Variants in PIK3C2B observed in about 807,000 individuals in gnomAD.
PIK3C2B encodes phosphatidylinositol 4-phosphate 3-kinase C2 domain-containing subunit beta.
Under a neutral mutation model 184.3 loss-of-function variants are expected in PIK3C2B, and 83 were observed. The ratio of observed to expected loss-of-function variants is 0.45; its 90% CI spans 0.38 to 0.54. PIK3C2B has a LOEUF of 0.54. Ranked by LOEUF, PIK3C2B falls within the 20% of genes least tolerant of loss-of-function variation. The pLI, the probability that PIK3C2B is intolerant of heterozygous loss-of-function variation, is 0.00. For synonymous variants in PIK3C2B, 779 were observed against 837.6 expected, an observed-to-expected ratio of 0.93 and a Z score of 1.21; for missense variants, 1,736 against 2,113.5, an observed-to-expected ratio of 0.82 and a Z score of 3.50.
intron 26 of PIK3C2B, 21 bp from the exon 27 acceptor site, chr1:204,432,422 G>A (rs1675113492): frequency 1.2e-6 from 2 of 1,609,850 alleles, no homozygotes; most frequent in Non-Finnish European, 1.7e-6. Context: ...GATAAGAAAA[G>A]AGGATATAAC....
chr1:204,481,821 C>T (rs557049558), intron 1 of PIK3C2B, among the ~76,000 whole-genome samples: 61 of 152,264 alleles, frequency 4.0e-4, no homozygotes, highest in African/African-American at 1.4e-3. Flanking sequence ...TTCCCTAAAT[C>T]AGGAAGGTGT....
At position 204,424,853 on chromosome 1, in the gene PIK3C2B, C is replaced by T; in HGVS notation, c.4904G>A (p.Ter1635=). The change falls in exon 33 of 33, where the codon TGA becomes TAA. Residue 1635 remains the stop codon, a stop_retained_variant. Transcript: ENST00000684373. ...TGCTGGGTGGTGGCTCTGCTGGGCT[C>T]ACAAGGTGCCATGACTTCGAGATCC... ...ALGSRSHGTL[*] The T allele has an allele frequency of 6.2e-7, 1 of 1,613,822 alleles. No individual in the cohort carries two copies. The highest frequency in any genetic ancestry group is 8.5e-7 in the Non-Finnish European group (1 of 1,179,840).
At position 204,465,239 on chromosome 1, in the gene PIK3C2B, T is replaced by C. The variant is rs201413758; in HGVS notation, c.1014A>G (p.Ala338=). Residue 338 remains alanine (A), a synonymous_variant, in exon 3 of 33, where the codon GCA becomes GCG. Transcript: ENST00000684373. The stretch of plus-strand genomic sequence containing the variant: ...CTTACATATCCAGCATGTGGCAAAA[T>C]GCAGCAACCTCCTCATCTCTCTCTT... ...VSEERDEEVA[A]FCHMLDILRS... is the part of the protein sequence containing the mutation. 2 of 1,395,082 alleles carry C rather than the reference T, an allele frequency of 1.4e-6. No individual in the cohort carries two copies. The highest frequency in any genetic ancestry group is 1.6e-5 in the African/African-American group (1 of 63,742). The allele number at this position is 1,395,082 out of a possible 1,614,324, so 86.4% of individuals were successfully genotyped here. A position where few individuals can be genotyped will look rare whatever the true frequency, so the allele number is the denominator to read the frequency against.
chr1:204,491,356 T>C (rs1279194947), intron 1 of PIK3C2B, among the ~76,000 whole-genome samples: 1 of 148,336 alleles, frequency 6.7e-6, no homozygotes, highest in African/African-American at 2.5e-5. Flanking sequence ...ACCACTGCAC[T>C]CCAGTCTGGG....
chr1:204,488,964 C>T (rs1466356811), intron 1 of PIK3C2B, among the ~76,000 whole-genome samples: 1 of 152,132 alleles, frequency 6.6e-6, no homozygotes, highest in Non-Finnish European at 1.5e-5. Context: ...CCAGAAATGA[C>T]TTTAAGAACC....
chr1:204,481,682 G>A (rs566583098), intron 1 of PIK3C2B, among the ~76,000 whole-genome samples: 2 of 152,188 alleles, frequency 1.3e-5, no homozygotes, highest in African/African-American at 4.8e-5. Flanking sequence ...TGTTCTCTGC[G>A]TTCCAGCAGG....
chr1:204,476,339 AG>A (rs1656702325), intron 1 of PIK3C2B, among the ~76,000 whole-genome samples: 1 of 151,928 alleles, frequency 6.6e-6, no homozygotes, highest in Non-Finnish European at 1.5e-5. Flanking sequence ...TGGGAAGCCG[AG>A]GCGGGGGGAT....
In PIK3C2B at chr1:204,455,855, C is replaced by A; in HGVS notation, c.1943+1G>T. On this transcript the variant is annotated splice_donor_variant, in intron 11 of 32. Transcript: ENST00000684373. LOFTEE classifies it high-confidence loss of function. ...TAGCGGCTACTCAGCCCTGGGCTCA[C>A]CTGGTAGCCCAGATGATGGGGATGC... 6.2e-7 allele frequency: 1 copy of A among 1,609,162 alleles called. No homozygotes were observed.
intron 28 of PIK3C2B, 55 bp from the exon 29 acceptor site, chr1:204,430,093 A>G (rs1674962972): frequency 9.4e-7 from 1 of 1,063,794 alleles, no homozygotes; most frequent in South Asian, 1.3e-5. Context: ...GGGAAAGAAA[A>G]TGGACACAAT....
chr1:204,446,747 C>T (rs1653905859), intron 15 of PIK3C2B, among the ~76,000 whole-genome samples: 1 of 152,078 alleles, frequency 6.6e-6, no homozygotes, highest in African/African-American at 2.4e-5. Context: ...GAAGGGAGGT[C>T]TGCGGTCGCT....
At chr1:204,440,437 A>C in intron 21 of PIK3C2B, 116 bp from the exon 22 acceptor site, 13 of 1,083,806 alleles carry the variant, frequency 1.2e-5, no homozygotes, top group Non-Finnish European at 1.7e-5. Flanking sequence ...CCCCAGCCTC[A>C]CACCCCTGAC....
At position 204,494,611 on chromosome 1, in the gene PIK3C2B, G is replaced by C. The variant is rs1461317807; in HGVS notation, c.-340C>G. 1 of 152,726 alleles carries C rather than the reference G, an allele frequency of 6.5e-6. No homozygotes were observed. The highest frequency in any genetic ancestry group is 1.5e-5 in the Non-Finnish European group (1 of 68,450). 9.5% of individuals were successfully genotyped at this position (152,726 alleles called of 1,614,324 possible). The stretch of plus-strand genomic sequence containing the variant: ...GACCAGCTTGTGGGGGTGGGGAGGG[G>C]TGCTCTCCGCCGAGAGCGTGCGCGA... On this transcript the variant is annotated 5_prime_UTR_variant, in exon 1 of 33. Coordinates refer to ENST00000684373, the MANE Select transcript of PIK3C2B (RefSeq NM_001377334.1).
chr1:204,427,011 G>A (rs1276634964), intron 31 of PIK3C2B, among the ~76,000 whole-genome samples: 1 of 152,136 alleles, frequency 6.6e-6, no homozygotes, highest in African/African-American at 2.4e-5. Context: ...GTGGTGGCAT[G>A]TGCCTGTAGT....
chr1:204,464,595 A>C lies in PIK3C2B; in HGVS notation c.1044T>G (p.Ser348=). 6.2e-7 allele frequency: 1 copy of C among 1,614,048 alleles called. No homozygotes were observed. The highest frequency in any genetic ancestry group is 1.1e-5 in the South Asian group (1 of 91,058). The change falls in exon 4 of 33, where the codon TCT becomes TCG. Residue 348 remains serine (S), a synonymous_variant. Coordinates refer to ENST00000684373, the MANE Select transcript of PIK3C2B (RefSeq NM_001377334.1). ...AFCHMLDILR[S]GSDIQDYFLT... ...GGAAGTAGTCTTGGATGTCAGAGCCAGATCGAAGGCTGTACAGGAAGAAAA... is the reference window on the plus strand; with the variant it reads ...GGAAGTAGTCTTGGATGTCAGAGCCCGATCGAAGGCTGTACAGGAAGAAAA...
At chr1:204,479,756 C>T (rs1245777576) in intron 1 of PIK3C2B, among the ~76,000 whole-genome samples, 3 of 152,262 alleles carry the variant, frequency 2.0e-5, no homozygotes, top group Non-Finnish European at 4.4e-5. Flanking sequence ...CCTCCAGCCT[C>T]AGTTCAGCTT....
rs768225191 is a variant in PIK3C2B at position 204,455,969 on chromosome 1, C to T, written c.1830G>A (p.Thr610=). 6.2e-6 allele frequency: 10 copies of T among 1,614,180 alleles called. No individual in the cohort carries two copies. The South Asian group carries it at 6.6e-5, about 11-fold the overall frequency. ...CATGCTTGCGGCTCCCGGGCACTGCCGTCTGGAAGTCTGCGTTGAATGTGT... is the reference window on the plus strand; with the variant it reads ...CATGCTTGCGGCTCCCGGGCACTGCTGTCTGGAAGTCTGCGTTGAATGTGT... The part of the protein sequence containing the change: ...YCNTFNADFQ[T]AVPGSRKHDL... The change falls in exon 11 of 33, where the codon ACG becomes ACA. Residue 610 remains threonine, a synonymous_variant. Transcript: ENST00000684373.
chr1:204,441,954 C>T (rs562713418), intron 20 of PIK3C2B, among the ~76,000 whole-genome samples: 2 of 152,260 alleles, frequency 1.3e-5, no homozygotes, highest in South Asian at 2.1e-4. Flanking sequence ...CAACATTAAG[C>T]ACTCAGAACA....
At position 204,447,218 on chromosome 1, in the gene PIK3C2B, G is replaced by A. The variant is rs1000682986; in HGVS notation, c.2489+218C>T. ...GCTGAGTCTGGACCAAGTCCCTGGG[G>A]TGGGGACTTGGGTATTCTCAGATCT... On this transcript the variant is annotated intron_variant, in intron 15 of 32. Transcript: ENST00000684373. The surrounding 1 kb of genome is among the most constrained non-coding windows in gnomAD (Gnocchi z 4.1). 2.0e-5 allele frequency among the ~76,000 whole-genome samples: 3 copies of A among 152,116 alleles called. No individual in the cohort carries two copies. Among genetic ancestry groups the A allele is most frequent in the African/African-American group, 4.8e-5 (2 of 41,394 alleles).
chr1:204,470,420 G>A (rs1343063866), intron 1 of PIK3C2B, among the ~76,000 whole-genome samples: 2 of 152,146 alleles, frequency 1.3e-5, no homozygotes, highest in East Asian at 3.9e-4. Context: ...CACCCGCCTA[G>A]GCCTCCCAAA....
Sources: gnomAD v4.1 joint callset for allele counts (sites outside exome capture counted in the v4.1 genomes callset) on GRCh38, gnomAD v4.1.1 for gene constraint, Gnocchi (gnomAD v3.1) non-coding constraint, MANE v1.5 for transcripts, NCBI Gene and HGNC (gene_info 2026-07-23, HGNC 2026-07-21) for gene names.